The following WDPCP variants were observed in gnomAD, a reference collection of about 807,000 sequenced individuals.
WDPCP encodes WD repeat-containing and planar cell polarity effector protein fritz homolog.
Under a neutral mutation model 93.1 loss-of-function variants are expected in WDPCP, and 71 were observed. The ratio of observed to expected loss-of-function variants is 0.76; its 90% CI spans 0.63 to 0.93. The LOEUF (loss-of-function observed/expected upper bound fraction) is 0.93. Among genes scored for constraint, WDPCP ranks in the 40% least tolerant of loss-of-function variants. The pLI, the probability that WDPCP is intolerant of heterozygous loss-of-function variation, is 0.00. For missense variants in WDPCP, 844 were observed against 887.4 expected (o/e 0.95, Z 0.62); for synonymous variants, 315 against 315.0 (o/e 1.00, Z 0.00).
At chr2:63,412,492 C>T (rs1050812193) in intron 9 of WDPCP, among the ~76,000 whole-genome samples, 1 of 152,090 alleles carries the variant, frequency 6.6e-6, no homozygotes, top group Admixed American at 6.6e-5. Flanking sequence ...CCCACTCTCA[C>T]CACTCCTCTT....
intron 12 of WDPCP, among the ~76,000 whole-genome samples, chr2:63,363,701 T>C (rs1690667733): frequency 2.0e-5 from 3 of 151,820 alleles, no homozygotes; most frequent in Admixed American, 6.6e-5. Flanking sequence ...TTTTATTTTC[T>C]ATAAGATCCC....
intron 12 of WDPCP, among the ~76,000 whole-genome samples, chr2:63,357,376 A>G (rs1690097796): frequency 6.6e-6 from 1 of 152,230 alleles, no homozygotes; most frequent in Admixed American, 6.5e-5. Context: ...TGCATCTGAC[A>G]AAGGTCTAAC....
intron 12 of WDPCP, among the ~76,000 whole-genome samples, chr2:63,328,310 T>G (rs1340146340): frequency 6.6e-6 from 1 of 151,898 alleles, no homozygotes; most frequent in East Asian, 1.9e-4. Context: ...CGGGTCCCCT[T>G]CCACACTGTG....
At chr2:63,818,082 A>T (rs1670965350) in intron 1 of WDPCP, among the ~76,000 whole-genome samples, 1 of 152,218 alleles carries the variant, frequency 6.6e-6, no homozygotes, top group Admixed American at 6.5e-5. Flanking sequence ...GGCACACAAC[A>T]GTTCATTACA....
chr2:63,787,364 G>T (rs1670484357), intron 2 of WDPCP, among the ~76,000 whole-genome samples: 1 of 152,082 alleles, frequency 6.6e-6, no homozygotes. Flanking sequence ...GCTTAAGCAA[G>T]TAGAGTGGAA....
chr2:63,468,863 AAAAG>A (rs1344388465), intron 6 of WDPCP, among the ~76,000 whole-genome samples: 6 of 152,236 alleles, frequency 3.9e-5, no homozygotes, highest in African/African-American at 1.4e-4. Context: ...TCTCATCTAA[AAAAG>A]AAAGAAAAAA....
chr2:63,272,676 TA>T (rs1330237729), intron 13 of WDPCP, among the ~76,000 whole-genome samples: 1 of 151,992 alleles, frequency 6.6e-6, no homozygotes, highest in Non-Finnish European at 1.5e-5. Context: ...ATGAATGAAA[TA>T]AAAAACACAA....
intron 14 of WDPCP, among the ~76,000 whole-genome samples, chr2:63,231,849 A>C (rs933432110): frequency 6.6e-6 from 1 of 152,080 alleles, no homozygotes; most frequent in Non-Finnish European, 1.5e-5. Context: ...TCATATGGAG[A>C]CAAAAAAGAG....
At chr2:63,390,024 C>A (rs965220204) in intron 10 of WDPCP, among the ~76,000 whole-genome samples, 2 of 152,186 alleles carry the variant, frequency 1.3e-5, no homozygotes, top group African/African-American at 4.8e-5. Context: ...AGGACTTGAA[C>A]TCAGCTCTGC....
At chr2:63,515,317 T>C (rs951513265) in intron 1 of WDPCP, among the ~76,000 whole-genome samples, 56 of 152,312 alleles carry the variant, frequency 3.7e-4, no homozygotes, top group African/African-American at 1.3e-3. Context: ...GTAAAGTGCC[T>C]AATTTACAAA....
chr2:63,190,901 G>A (rs1366114671), intron 14 of WDPCP, among the ~76,000 whole-genome samples: 1 of 152,160 alleles, frequency 6.6e-6, no homozygotes, highest in Non-Finnish European at 1.5e-5. Flanking sequence ...TTTATGGAAA[G>A]GTTAAGTGTT....
intron 14 of WDPCP, among the ~76,000 whole-genome samples, chr2:63,176,186 C>CT (rs1419789005): frequency 6.6e-6 from 1 of 152,128 alleles, no homozygotes; most frequent in South Asian, 2.1e-4. Context: ...TACTGAGCAT[C>CT]TTTTTATATG....
At chr2:63,548,642 T>C (rs1011836801) in intron 1 of WDPCP, among the ~76,000 whole-genome samples, 9 of 151,872 alleles carry the variant, frequency 5.9e-5, no homozygotes, top group African/African-American at 1.9e-4. Flanking sequence ...GGTACTTTGA[T>C]CATAAAGAAT....
At chr2:63,278,533 AAGG>A (rs879512478) in intron 13 of WDPCP, among the ~76,000 whole-genome samples, 76 of 152,208 alleles carry the variant, frequency 5.0e-4, no homozygotes, top group Non-Finnish European at 1.6e-4. Flanking sequence ...TAACCAAGCA[AAGG>A]AGAACATCCA....
At chr2:63,732,705 C>T (rs1029579338) in intron 2 of WDPCP, among the ~76,000 whole-genome samples, 1 of 151,908 alleles carries the variant, frequency 6.6e-6, no homozygotes, top group Non-Finnish European at 1.5e-5. Context: ...TAAAAATATT[C>T]GATAGGGGCA....
chr2:63,840,764 C>T, the WDPCP span, among the ~76,000 whole-genome samples: 1 of 152,378 alleles, frequency 6.6e-6, no homozygotes, highest in Admixed American at 6.5e-5. Context: ...ACTGGCGAGG[C>T]TTCCCTGGCC....
At chr2:63,467,524 AT>A (rs1368499134) in intron 6 of WDPCP, among the ~76,000 whole-genome samples, 1 of 151,912 alleles carries the variant, frequency 6.6e-6, no homozygotes, top group African/African-American at 2.4e-5. Flanking sequence ...CAGGCCTGTA[AT>A]CCCAGCACTT....
chr2:63,183,619 T>C (rs2104119848), intron 14 of WDPCP, among the ~76,000 whole-genome samples: 1 of 152,194 alleles, frequency 6.6e-6, no homozygotes. Context: ...TTGGGTAGAG[T>C]GTTCTGTAAA....
intron 1 of WDPCP, among the ~76,000 whole-genome samples, chr2:63,515,236 G>A (rs1702477112): frequency 6.6e-6 from 1 of 152,146 alleles, no homozygotes; most frequent in Admixed American, 6.5e-5. Context: ...ACATATGAGT[G>A]TGTGGTAGAT....
Sources: allele counts gnomAD v4.1 joint callset (sites outside exome capture counted in the v4.1 genomes callset), GRCh38; gene constraint gnomAD v4.1.1; transcripts MANE v1.5; gene names NCBI Gene and HGNC (gene_info 2026-07-23, HGNC 2026-07-21).